AMBN: variants seen among roughly 807,000 people sequenced by gnomAD.
AMBN encodes the protein ameloblastin, also known as enamel matrix protein.
A neutral mutation model predicts 48.0 loss-of-function variants in AMBN; 54 were observed. That is an observed-to-expected ratio of 1.12 (90% CI 0.90 to 1.41). The LOEUF (loss-of-function observed/expected upper bound fraction) is 1.41, where lower values mean the gene tolerates loss of function less well. Among genes scored for constraint, AMBN ranks in the 40% most tolerant of loss-of-function variants. The pLI, the probability that AMBN is intolerant of heterozygous loss-of-function variation, is 0.00. For missense variants in AMBN, 571 were observed against 547.3 expected, an observed-to-expected ratio of 1.04 and a Z score of -0.43; for synonymous variants, 186 against 190.0, an observed-to-expected ratio of 0.98 and a Z score of 0.17.
chr4:70,595,592 G>T (rs909342724), intron 2 of AMBN, among the ~76,000 whole-genome samples: 2 of 151,970 alleles, frequency 1.3e-5, no homozygotes, highest in Non-Finnish European at 2.9e-5. Context: ...AAAAGTAGGG[G>T]GTGTAATTCT....
chr4:70,606,235 A>G lies in AMBN; in HGVS notation c.849A>G (p.Gly283=), dbSNP rs1737640968. ...MAYGAMFPGF[G]GMRPGFEGMP... ...ATGGAGCCATGTTTCCAGGATTTGG[A>G]GGCATGAGGCCCGGCTTTGAGGGAA... The change falls in exon 13 of 13, where the codon GGA becomes GGG. Residue 283 remains glycine (G), a synonymous_variant. Coordinates refer to ENST00000322937, the MANE Select transcript of AMBN (RefSeq NM_016519.6). 1.2e-6 allele frequency: 2 copies of G among 1,613,882 alleles called. No homozygotes were observed. The highest frequency in any genetic ancestry group is 1.3e-5 in the African/African-American group (1 of 74,872).
intron 2 of AMBN, among the ~76,000 whole-genome samples, chr4:70,594,999 A>G (rs978616645): frequency 2.0e-5 from 3 of 152,142 alleles, no homozygotes; most frequent in Non-Finnish European, 4.4e-5. Context: ...CTGTGGCTCA[A>G]TCCAGGATGT....
chr4:70,601,779 A>C, intron 6 of AMBN, 125 bp downstream of exon 6: 1 of 875,370 alleles, frequency 1.1e-6, no homozygotes, highest in South Asian at 1.5e-5. Flanking sequence ...ATATATTCTT[A>C]ATCAGTCTTC....
chr4:70,603,392 T>C (rs1737570831), intron 10 of AMBN, 24 bp from the exon 11 acceptor site: 1 of 1,613,450 alleles, frequency 6.2e-7, no homozygotes, highest in African/African-American at 1.3e-5. Context: ...ATGCATTTTG[T>C]GATAATGATT....
In AMBN at chr4:70,605,630, A is replaced by G. The variant is rs560914355; in HGVS notation, c.799-555A>G. Reference sequence around the variant, plus strand: ...TTCTTAAACTTTGTGCTTTAAAAAAATTAAAGTCTTAGCTGGGTGCAGTGT... The same window carrying G: ...TTCTTAAACTTTGTGCTTTAAAAAAGTTAAAGTCTTAGCTGGGTGCAGTGT... On this transcript the variant is annotated intron_variant, in intron 12 of 12. Transcript: ENST00000322937. 2.6e-5 allele frequency among the ~76,000 whole-genome samples: 4 copies of G among 152,290 alleles called. No individual in the cohort carries two copies. In the South Asian group the frequency reaches 6.2e-4, roughly 24 times the overall value.
intron 9 of AMBN, 94 bp downstream of exon 9, chr4:70,603,104 T>A: frequency 3.5e-6 from 5 of 1,440,388 alleles, no homozygotes; most frequent in Non-Finnish European, 4.8e-6. Context: ...CATTTATCCA[T>A]GAATATGAAG....
At chr4:70,601,938 T>C in intron 6 of AMBN, 3 of 536,694 alleles carry the variant, frequency 5.6e-6, no homozygotes, top group South Asian at 4.6e-5. Context: ...GGAAATAGAA[T>C]AAAACCCCAG....
At chr4:70,600,683 T>C (rs947910527) in intron 5 of AMBN, among the ~76,000 whole-genome samples, 3 of 152,188 alleles carry the variant, frequency 2.0e-5, no homozygotes, top group African/African-American at 7.2e-5. Context: ...TCACCAAAAG[T>C]AATTTCTACA....
chr4:70,601,045 C>G (rs1737509031), intron 5 of AMBN, among the ~76,000 whole-genome samples: 1 of 152,132 alleles, frequency 6.6e-6, no homozygotes, highest in Non-Finnish European at 1.5e-5. Context: ...ATCATTCTCT[C>G]TCCGTTGACT....
rs1737553225 is a variant in AMBN at position 70,602,802 on chromosome 4, C to T, written c.575C>T (p.Pro192Leu). The T allele has an allele frequency of 6.3e-7, 1 of 1,588,002 alleles. No individual in the cohort carries two copies. The change falls in exon 8 of 13, where the codon CCA (proline) becomes CTA (leucine). Residue 192 changes from proline (P) to leucine (L), a missense_variant. Coordinates refer to ENST00000322937, the MANE Select transcript of AMBN (RefSeq NM_016519.6). ...TAATATTTATCTACAATATAGCTCC[C>T]AGGAATGGATTTTCCTGATCCACAA... ...DFADPQGPSL[P>L]GMDFPDPQGP... is the part of the protein sequence containing the mutation.
At chr4:70,601,225 G>A (rs1442785513) in intron 5 of AMBN, among the ~76,000 whole-genome samples, 193 bp from the exon 6 acceptor site, 1 of 152,032 alleles carries the variant, frequency 6.6e-6, no homozygotes, top group Non-Finnish European at 1.5e-5. Context: ...AAGGAGGTAG[G>A]GGAGGCACAC....
At chr4:70,599,469 C>A (rs1737467777) in intron 4 of AMBN, 67 bp from the exon 5 acceptor site, 3 of 1,186,410 alleles carry the variant, frequency 2.5e-6, no homozygotes, top group Non-Finnish European at 3.5e-6. Flanking sequence ...AAAAGGAAAA[C>A]CAAATATAAC....
chr4:70,605,108 T>C (rs1737611643), intron 12 of AMBN, among the ~76,000 whole-genome samples: 1 of 152,126 alleles, frequency 6.6e-6, no homozygotes, highest in South Asian at 2.1e-4. Flanking sequence ...ATAACAATTT[T>C]ATTAGAGAGA....
At chr4:70,602,749 T>C (rs1271560060) in intron 7 of AMBN, 49 bp from the exon 8 acceptor site, 1 of 1,489,258 alleles carries the variant, frequency 6.7e-7, no homozygotes, top group Non-Finnish European at 9.1e-7. Flanking sequence ...TGTATTTAAC[T>C]ACTTTGTTCA....
intron 4 of AMBN, among the ~76,000 whole-genome samples, chr4:70,598,770 TTTTA>T (rs982792752): frequency 6.6e-6 from 1 of 151,716 alleles, no homozygotes. Flanking sequence ...CTTATTTTAT[TTTTA>T]TTTATTTATT....
intron 2 of AMBN, among the ~76,000 whole-genome samples, chr4:70,596,507 A>G (rs1186814680): frequency 6.6e-6 from 1 of 152,140 alleles, no homozygotes; most frequent in Non-Finnish European, 1.5e-5. Context: ...AAGCCCTTTG[A>G]ATGGGAATCC....
At chr4:70,593,492 T>C in intron 2 of AMBN, 97 bp downstream of exon 2, 1 of 1,022,696 alleles carries the variant, frequency 9.8e-7, no homozygotes. Context: ...ACGCATAGAC[T>C]CACTTGATTT....
At chr4:70,603,032 A>G (rs1737560297) in intron 9 of AMBN, 22 bp downstream of exon 9, 2 of 1,587,968 alleles carry the variant, frequency 1.3e-6, no homozygotes, top group Non-Finnish European at 1.7e-6. Flanking sequence ...TCTCAATGAG[A>G]CACTGTCTTG....
chr4:70,597,163 T>C, intron 3 of AMBN, 114 bp downstream of exon 3: 1 of 827,024 alleles, frequency 1.2e-6, no homozygotes, highest in Non-Finnish European at 1.9e-6. Context: ...GTGGCTGTTA[T>C]CCTGAGGAGT....
Sources: allele counts gnomAD v4.1 joint callset (sites outside exome capture counted in the v4.1 genomes callset), GRCh38; gene constraint gnomAD v4.1.1; transcripts MANE v1.5; gene names NCBI Gene and HGNC (gene_info 2026-07-23, HGNC 2026-07-21).